Variants in GOLGA3 observed in about 807,000 individuals in gnomAD.
GOLGA3 encodes the protein golgin subfamily A member 3.
Under a neutral mutation model 169.4 loss-of-function variants are expected in GOLGA3, and 75 were observed. The ratio of observed to expected loss-of-function variants is 0.44; its 90% CI spans 0.37 to 0.54. GOLGA3 has a LOEUF of 0.54. GOLGA3 is among the 20% of genes least tolerant of loss of function. The pLI is 0.00. For missense variants in GOLGA3, 1,899 were observed against 1,930.0 expected, an observed-to-expected ratio of 0.98 and a Z score of 0.30; for synonymous variants, 824 against 822.4, an observed-to-expected ratio of 1.00 and a Z score of -0.03.
chr12:132,772,990 A>T lies in GOLGA3; in HGVS notation c.*115T>A, dbSNP rs1436429848. On this transcript the variant is annotated 3_prime_UTR_variant, in exon 24 of 24. Transcript: ENST00000450791. ...TGCTATATATTTTACTTCTTGTTAA[A>T]GGCAAAACAAAACTTAAATTTCATG... is the stretch of plus-strand genomic sequence containing the variant. 4.0e-6 allele frequency: 3 copies of T among 756,318 alleles called. No individual in the cohort carries two copies. Among genetic ancestry groups the T allele is most frequent in the Non-Finnish European group, 6.2e-6 (3 of 480,970 alleles). 46.9% of individuals were successfully genotyped at this position (756,318 alleles called of 1,614,324 possible). A position where few individuals can be genotyped will look rare whatever the true frequency, so the allele number is the denominator to read the frequency against.
chr12:132,777,271 G>GA lies in GOLGA3; in HGVS notation c.3723-182dup, dbSNP rs2045299091. ...CTCGGGCAGTCCTCACGAAGCACCT[G>GA]AGACTCACACTTCACTGGCACCCCT... On this transcript the variant is annotated intron_variant, in intron 19 of 23. Coordinates refer to ENST00000450791, the MANE Select transcript of GOLGA3 (RefSeq NM_001389683.1). This position sits in a 1 kb window ranked among gnomAD's most constrained non-coding sequence, Gnocchi z 4.7. 6.6e-6 allele frequency among the ~76,000 whole-genome samples: 1 copy of GA among 152,152 alleles called. No homozygotes were observed. The highest frequency in any genetic ancestry group is 2.1e-4 in the South Asian group (1 of 4,824).
intron 2 of GOLGA3, among the ~76,000 whole-genome samples, 161 bp downstream of exon 2, chr12:132,821,835 A>C (rs74721187): frequency 0.032 from 4,063 of 127,562 alleles, 247 homozygotes; most frequent in Non-Finnish European, 0.049. Context: ...GCCTGGGCGA[A>C]AGAGCGAGAC....
rs971258008 is a variant in GOLGA3 at position 132,773,246 on chromosome 12, C to T, written c.4356G>A (p.Thr1452=). 57 of 1,527,628 alleles carry T rather than the reference C, an allele frequency of 3.7e-5. No individual in the cohort carries two copies. The highest frequency in any genetic ancestry group is 8.4e-5 in the African/African-American group (6 of 71,486). 94.6% of individuals were successfully genotyped at this position (1,527,628 alleles called of 1,614,324 possible). A position where few individuals can be genotyped will look rare whatever the true frequency, so the allele number is the denominator to read the frequency against. The part of the protein sequence containing the change: ...LQRQMEEHAL[T]VHESLSSWTP... ...TCCACGAGGACAGAGACTCGTGCAC[C>T]GTCAGGGCGTGCTCCTCCATCTGGC... The change falls in exon 24 of 24, where the codon ACG becomes ACA. Residue 1452 remains threonine (T), a synonymous_variant. Transcript: ENST00000450791.
rs531815929 is a variant in GOLGA3, at chr12:132,797,623, A to T, written c.1938+717T>A. The stretch of plus-strand genomic sequence containing the variant: ...GCTACTCGGGAGGCTGAGGCAGGAG[A>T]ATTGCTTGAACTTGGTAGGCAGAGG... On this transcript the variant is annotated intron_variant, in intron 9 of 23. Coordinates refer to ENST00000450791, the MANE Select transcript of GOLGA3 (RefSeq NM_001389683.1). Among the ~76,000 whole-genome samples, 4 of 152,178 alleles carry T rather than the reference A, an allele frequency of 2.6e-5. No individual in the cohort carries two copies. The South Asian group carries it at 8.3e-4, about 32-fold the overall frequency.
intron 3 of GOLGA3, among the ~76,000 whole-genome samples, chr12:132,813,764 G>A (rs1426217332): frequency 8.6e-5 from 11 of 127,748 alleles, no homozygotes; most frequent in Non-Finnish European, 1.6e-4. Context: ...TCACTCTGTC[G>A]CCCAGAATGG....
At position 132,780,952 on chromosome 12, in the gene GOLGA3, T is replaced by C. The variant is rs753903405; in HGVS notation, c.3466-38A>G. ...GCAGGAGGACAGATAAGGAAGGACG[T>C]CGAATTACAAACACACAAGGCTGCT... On this transcript the variant is annotated intron_variant, in intron 17 of 23. Coordinates refer to ENST00000450791, the MANE Select transcript of GOLGA3 (RefSeq NM_001389683.1). The C allele has an allele frequency of 3.4e-6, 5 of 1,484,496 alleles. No individual in the cohort carries two copies. In the African/African-American group the frequency reaches 6.9e-5, roughly 20 times the overall value. The allele number at this position is 1,484,496 out of a possible 1,614,324, so 92.0% of individuals were successfully genotyped here. A position where few individuals can be genotyped will look rare whatever the true frequency, so the allele number is the denominator to read the frequency against.
intron 6 of GOLGA3, among the ~76,000 whole-genome samples, chr12:132,806,889 C>T (rs988727756): frequency 3.9e-5 from 6 of 152,162 alleles, no homozygotes; most frequent in African/African-American, 1.4e-4. Flanking sequence ...AAGCTGCAAC[C>T]CACCAAGAGA....
chr12:132,792,760 A>ACCGACCGCACGGGAC (rs1566096963), intron 11 of GOLGA3, among the ~76,000 whole-genome samples: 7 of 127,018 alleles, frequency 5.5e-5, no homozygotes, highest in South Asian at 2.7e-4. Flanking sequence ...CTCCACACGG[A>ACCGACCGCACGGGAC]CTGACCGCAC....
At chr12:132,810,019 C>T (rs1024511217) in intron 4 of GOLGA3, among the ~76,000 whole-genome samples, 1 of 152,014 alleles carries the variant, frequency 6.6e-6, no homozygotes, top group Non-Finnish European at 1.5e-5. Flanking sequence ...CTGAGGCGGG[C>T]AGATCATTTG....
Position 132,808,428 on chromosome 12 carries a change from C to T in GOLGA3, c.641G>A (p.Arg214His), listed in dbSNP as rs368713372. ...CTTAGGCCCCCGAGGGACACTGGTG[C>T]GCAGGAAGGAATATTCTTTTGTCAT... ...LAMTKEYSFLRTSVPRGPKVG... is the reference protein window; with the variant it reads ...LAMTKEYSFLHTSVPRGPKVG... The change falls in exon 5 of 24, where the codon CGC becomes CAC. Residue 214 changes from arginine (R) to histidine (H), a missense_variant. Coordinates refer to ENST00000450791, the MANE Select transcript of GOLGA3 (RefSeq NM_001389683.1). 1.7e-5 allele frequency: 28 copies of T among 1,613,892 alleles called. No individual in the cohort carries two copies. The highest frequency in any genetic ancestry group is 2.1e-5 in the Non-Finnish European group (25 of 1,179,964).
At chr12:132,822,636 T>C (rs1264788557) in intron 1 of GOLGA3, among the ~76,000 whole-genome samples, 1 of 152,176 alleles carries the variant, frequency 6.6e-6, no homozygotes, top group Non-Finnish European at 1.5e-5. Flanking sequence ...TAAAATTAAT[T>C]TGGGCCAGGC....
At chr12:132,780,277 A>G (rs978706252) in intron 18 of GOLGA3, among the ~76,000 whole-genome samples, 1 of 152,170 alleles carries the variant, frequency 6.6e-6, no homozygotes, top group African/African-American at 2.4e-5. Flanking sequence ...TGTGCCAGGT[A>G]TGGCGGAGGT....
chr12:132,798,191 C>T, intron 9 of GOLGA3, 149 bp downstream of exon 9: 1 of 521,714 alleles, frequency 1.9e-6, no homozygotes, highest in Non-Finnish European at 2.9e-6. Flanking sequence ...GGGGGGGGGT[C>T]CCAAAGCCTT....
rs373405796 is a variant in GOLGA3 at position 132,777,677 on chromosome 12, G to A, written c.3711C>T (p.Ala1237=). Residue 1237 remains alanine, a synonymous_variant, in exon 19 of 24, where the codon GCC becomes GCT. Coordinates refer to ENST00000450791, the MANE Select transcript of GOLGA3 (RefSeq NM_001389683.1). The surrounding 1 kb of genome is among the most constrained non-coding windows in gnomAD (Gnocchi z 4.7). The stretch of plus-strand genomic sequence containing the variant: ...GCCCAGGCACTCACTGAAGGTCGTC[G>A]GCCTCGGCCTGCAGCTTCTGCACCA... The part of the protein sequence containing the change: ...EHLVQKLQAE[A]DDLQIREGKH... 19 of 1,613,898 alleles carry A rather than the reference G, an allele frequency of 1.2e-5. No individual in the cohort carries two copies. The highest frequency in any genetic ancestry group is 4.5e-5 in the East Asian group (2 of 44,898).
intron 6 of GOLGA3, among the ~76,000 whole-genome samples, chr12:132,806,952 G>C (rs140598107): frequency 6.6e-6 from 1 of 152,186 alleles, no homozygotes; most frequent in African/African-American, 2.4e-5. Context: ...TATTCTGGTA[G>C]AGACGCAGGG....
At chr12:132,787,601 A>AC (rs2045970638) in intron 13 of GOLGA3, among the ~76,000 whole-genome samples, 4 of 76,472 alleles carry the variant, frequency 5.2e-5, no homozygotes, top group Non-Finnish European at 1.1e-4. Context: ...AACCCCTGGG[A>AC]CCCTTCCCCG....
chr12:132,807,541 C>G (rs1245929094), intron 5 of GOLGA3, among the ~76,000 whole-genome samples: 1 of 152,086 alleles, frequency 6.6e-6, no homozygotes, highest in African/African-American at 2.4e-5. Flanking sequence ...AGTGACAAGT[C>G]TATGTAAACG....
intron 4 of GOLGA3, among the ~76,000 whole-genome samples, chr12:132,810,537 A>G (rs1949648886): frequency 6.6e-6 from 1 of 152,216 alleles, no homozygotes; most frequent in Non-Finnish European, 1.5e-5. Flanking sequence ...TCCTCACTCT[A>G]CAATCATAAC....
Position 132,808,519 on chromosome 12 carries a change from A to G in GOLGA3, c.550T>C (p.Phe184Leu), listed in dbSNP as rs772771521. 1.3e-6 allele frequency: 2 copies of G among 1,595,974 alleles called. No homozygotes were observed. Among genetic ancestry groups the G allele is most frequent in the Admixed American group, 1.8e-5 (1 of 57,138 alleles). ...ATGAGCTCAGGATCAAGCGTGCTAA[A>G]AAGTCTCGTTTTGGTTGCAGGTTGA... Reference protein sequence around the residue: ...SSQPATKTRLFSTLDPELMLN... With the variant: ...SSQPATKTRLLSTLDPELMLN... The change falls in exon 5 of 24, where the codon TTT becomes CTT. Residue 184 changes from phenylalanine (F) to leucine (L), a missense_variant. Phe to Leu is a conservative substitution (Grantham distance 22). Transcript: ENST00000450791.
Sources: gnomAD v4.1 joint callset for allele counts (sites outside exome capture counted in the v4.1 genomes callset) on GRCh38, gnomAD v4.1.1 for gene constraint, Gnocchi (gnomAD v3.1) non-coding constraint, MANE v1.5 for transcripts, NCBI Gene and HGNC (gene_info 2026-07-23, HGNC 2026-07-21) for gene names.